CDK16: variants seen among roughly 807,000 people sequenced by gnomAD.
CDK16 encodes cyclin-dependent kinase 16.
Under a neutral mutation model 41.6 loss-of-function variants are expected in CDK16, and 2 were observed. The ratio of observed to expected loss-of-function variants is 0.05; its 90% CI spans 0.02 to 0.15. The LOEUF is 0.15. Ranked by LOEUF, CDK16 falls within the 10% of genes least tolerant of loss-of-function variation. The probability of loss-of-function intolerance (pLI) is 1.00; values close to 1 mark genes in which losing one functional copy is unlikely to be tolerated. For synonymous variants in CDK16, 169 were observed against 169.7 expected (o/e 1.00, Z 0.03); for missense variants, 228 against 428.9 (o/e 0.53, Z 4.14).
rs1485316280 is a variant in CDK16, at chrX:47,227,573, G to A, written c.1375+104G>A. ...AGGATTCTGGCTGTGCCACCTCTAC[G>A]TGGGGGGACATCTTGTTCACGTGTG... On this transcript the variant is annotated intron_variant, in intron 14 of 15. Coordinates refer to ENST00000357227, the MANE Select transcript of CDK16 (RefSeq NM_006201.5). The A allele has an allele frequency of 9.8e-5, 52 of 531,741 alleles. No individual in the cohort carries two copies. The East Asian group carries it at 1.4e-3, about 14-fold the overall frequency. The allele number at this position is 531,741 out of a possible 1,213,427, so 43.8% of individuals were successfully genotyped here.
At chrX:47,227,249 G>C (rs763995964) in intron 13 of CDK16, 26 bp downstream of exon 13, 2 of 1,184,824 alleles carry the variant, frequency 1.7e-6, no homozygotes, top group Non-Finnish European at 2.3e-6. Context: ...GTCAGCCTTG[G>C]GGGTATGGGA....
Position 47,228,807 on chromosome X carries a change from A to G in CDK16, c.*39A>G. 5 of 1,161,526 alleles carry G rather than the reference A, an allele frequency of 4.3e-6. No homozygotes were observed. Among genetic ancestry groups the G allele is most frequent in the Non-Finnish European group, 5.9e-6 (5 of 853,227 alleles). On this transcript the variant is annotated 3_prime_UTR_variant, in exon 16 of 16. Coordinates refer to ENST00000357227, the MANE Select transcript of CDK16 (RefSeq NM_006201.5). ...GCCCCAGCAGGCAGCGGCTGGAGGG[A>G]TGCCACACCCCTCACAGGGCAGCCC...
At chrX:47,222,507 G>C (rs1410232725) in intron 1 of CDK16, 2 of 110,371 alleles carry the variant, frequency 1.8e-5, no homozygotes, top group Admixed American at 9.6e-5. Flanking sequence ...GGTGACCTTT[G>C]AGCAATGGCC....
chrX:47,222,881 A>AT, intron 1 of CDK16: 2 of 365,544 alleles, frequency 5.5e-6, no homozygotes, highest in Admixed American at 4.6e-5. Context: ...GCTGGTGTAC[A>AT]CTGAGACCCC....
At chrX:47,228,101 C>T (rs750179556) in intron 14 of CDK16, 3 of 117,617 alleles carry the variant, frequency 2.6e-5, no homozygotes, top group African/African-American at 9.7e-5. Flanking sequence ...CATGGTCAAT[C>T]TGGTTTTATC....
In CDK16 at chrX:47,224,362, C is replaced by A. The variant is rs767731437; in HGVS notation, c.203-23C>A. 8 of 1,170,673 alleles carry A rather than the reference C, an allele frequency of 6.8e-6. No homozygotes were observed. In the African/African-American group the frequency reaches 1.4e-4, roughly 21 times the overall value. ...TGGTTCCTGACCCCACCTGGCCTGC[C>A]CTACCCCTCTCCCTGCCACCAGAGA... On this transcript the variant is annotated intron_variant, in intron 2 of 15. Transcript: ENST00000357227.
rs767351341 is a variant in CDK16 at position 47,226,890 on chromosome X, C to T, written c.1116C>T (p.His372=). The change falls in exon 11 of 16, where the codon CAC becomes CAT. Residue 372 remains histidine, a synonymous_variant. Coordinates refer to ENST00000357227, the MANE Select transcript of CDK16 (RefSeq NM_006201.5). ...FPGSTVEEQL[H]FIFRILGTPT... ...GCTCCACGGTGGAGGAACAGCTACA[C>T]TTCATCTTCCGTATCTTAGGTGAGG... The T allele has an allele frequency of 1.7e-6, 2 of 1,209,949 alleles. No individual in the cohort carries two copies. Among genetic ancestry groups the T allele is most frequent in the East Asian group, 3.0e-5 (1 of 33,840 alleles).
chrX:47,225,002 C>G lies in CDK16; in HGVS notation c.534C>G (p.Thr178=). 8.3e-7 allele frequency: 1 copy of G among 1,206,938 alleles called. No individual in the cohort carries two copies. ...TCACATTCCAGGGTACCTATGCCAC[C>G]GTCTACAAAGGCAAAAGCAAGCTCA... The part of the protein sequence containing the change: ...LDKLGEGTYA[T]VYKGKSKLTD... Residue 178 remains threonine, a synonymous_variant, in exon 6 of 16, where the codon ACC becomes ACG. Transcript: ENST00000357227.
chrX:47,221,764 A>G (rs778085044), intron 1 of CDK16, among the ~76,000 whole-genome samples: 1 of 112,184 alleles, frequency 8.9e-6, no homozygotes, highest in East Asian at 2.8e-4. Flanking sequence ...GATGGACCTC[A>G]TCCTGTATCT....
intron 14 of CDK16, 94 bp from the exon 15 acceptor site, chrX:47,228,473 C>A: frequency 1.5e-6 from 1 of 688,553 alleles, no homozygotes; most frequent in Non-Finnish European, 2.3e-6. Context: ...AGAGAAGGGG[C>A]AGCTTTTTCT....
intron 6 of CDK16, among the ~76,000 whole-genome samples, chrX:47,225,437 A>T (rs1180729705): frequency 5.4e-5 from 6 of 112,125 alleles, no homozygotes; most frequent in Non-Finnish European, 1.1e-4. Context: ...ATTTCACGCG[A>T]TGCTGCAGGC....
At chrX:47,219,409 C>A (rs1556796539) in intron 1 of CDK16, among the ~76,000 whole-genome samples, 1 of 108,349 alleles carries the variant, frequency 9.2e-6, no homozygotes, top group African/African-American at 3.4e-5. Flanking sequence ...TGATGGGGGT[C>A]GGAGCATGTG....
chrX:47,224,511 C>G lies in CDK16; in HGVS notation c.329C>G (p.Ser110Cys). ...CGCAACCATCCCCCACGCAAGATCT[C>G]CACTGAGGTGCTTGACCCCGTCTGG... ...RMRNHPPRKI[S>C]TEDINKRLSL... The change falls in exon 3 of 16, where the codon TCC becomes TGC. Residue 110 changes from serine to cysteine, a missense_variant. Transcript: ENST00000357227. 2 of 1,198,881 alleles carry G rather than the reference C, an allele frequency of 1.7e-6. No homozygotes were observed. The highest frequency in any genetic ancestry group is 2.3e-6 in the Non-Finnish European group (2 of 888,596).
rs1246755974 is a variant in CDK16 at position 47,218,737 on chromosome X, G to T, written c.-375G>T. On this transcript the variant is annotated 5_prime_UTR_variant, in exon 1 of 16. Coordinates refer to ENST00000357227, the MANE Select transcript of CDK16 (RefSeq NM_006201.5). ...ATGCGCGGAGCGCGGCGCGCGCGGC[G>T]GTTGGGCCGTTGGCTGTTCGGCCCT... The T allele has an allele frequency of 2.6e-6, 3 of 1,161,076 alleles. No individual in the cohort carries two copies. Among genetic ancestry groups the T allele is most frequent in the East Asian group, 3.3e-5 (1 of 30,639 alleles).
chrX:47,224,499 C>A lies in CDK16; in HGVS notation c.317C>A (p.Pro106Gln). The stretch of plus-strand genomic sequence containing the variant: ...AGAGTGCGTATGCGCAACCATCCCC[C>A]ACGCAAGATCTCCACTGAGGTGCTT... ...PVRVRMRNHP[P>Q]RKISTEDINK... The change falls in exon 3 of 16, where the codon CCA becomes CAA. Residue 106 changes from proline to glutamine, a missense_variant. Around this residue, in one of 3 missense-constraint regions of CDK16, gnomAD observed 71 missense variants for 102.2 expected, o/e 0.69. Coordinates refer to ENST00000357227, the MANE Select transcript of CDK16 (RefSeq NM_006201.5). 8.3e-7 allele frequency: 1 copy of A among 1,202,740 alleles called. No homozygotes were observed. Among genetic ancestry groups the A allele is most frequent in the Non-Finnish European group, 1.1e-6 (1 of 890,522 alleles).
In CDK16 at chrX:47,218,816, G is replaced by A. The variant is rs1227068804; in HGVS notation, c.-296G>A. The A allele has an allele frequency of 8.7e-7, 1 of 1,146,084 alleles. No individual in the cohort carries two copies. Among genetic ancestry groups the A allele is most frequent in the Admixed American group, 2.6e-5 (1 of 38,331 alleles). The allele number at this position is 1,146,084 out of a possible 1,213,427, so 94.5% of individuals were successfully genotyped here. A position where few individuals can be genotyped will look rare whatever the true frequency, so the allele number is the denominator to read the frequency against. ...CGCTCTGTGCCGCGAGCCGCCGTGAGCACTCGGATTCAAGCCGGCGCCAAC... is the reference window on the plus strand; with the variant it reads ...CGCTCTGTGCCGCGAGCCGCCGTGAACACTCGGATTCAAGCCGGCGCCAAC... On this transcript the variant is annotated 5_prime_UTR_variant, in exon 1 of 16. Transcript: ENST00000357227.
At chrX:47,223,047 C>T (rs1397900361) in intron 1 of CDK16, 1 of 1,138,163 alleles carries the variant, frequency 8.8e-7, no homozygotes, top group Non-Finnish European at 1.2e-6. Flanking sequence ...GTCCCTGTGG[C>T]CACAGGGAAT....
chrX:47,228,846 C>G lies in CDK16; in HGVS notation c.*78C>G. On this transcript the variant is annotated 3_prime_UTR_variant, in exon 16 of 16. Coordinates refer to ENST00000357227, the MANE Select transcript of CDK16 (RefSeq NM_006201.5). ...ACAGGGCAGCCCCCAACTACATCTTCCCTGCTTACTCTCTGCCTACCTGCC... is the reference window on the plus strand; with the variant it reads ...ACAGGGCAGCCCCCAACTACATCTTGCCTGCTTACTCTCTGCCTACCTGCC... 3.0e-6 allele frequency: 3 copies of G among 995,513 alleles called. No homozygotes were observed. The African/African-American group carries it at 5.6e-5, about 19-fold the overall frequency. 82.0% of individuals were successfully genotyped at this position (995,513 alleles called of 1,213,427 possible).
rs372258262 is a variant in CDK16 at position 47,225,812 on chromosome X, G to A, written c.675G>A (p.Thr225=). ...ACCTCAAACACGCCAACATCGTTAC[G>A]CTACATGACATTATCCACACGGAGA... ...LKDLKHANIV[T]LHDIIHTEKS... is the part of the protein sequence containing the mutation. The change falls in exon 7 of 16, where the codon ACG becomes ACA. Residue 225 remains threonine (T), a synonymous_variant. Transcript: ENST00000357227. 2 of 1,210,903 alleles carry A rather than the reference G, an allele frequency of 1.7e-6. No homozygotes were observed. Among genetic ancestry groups the A allele is most frequent in the Non-Finnish European group, 2.2e-6 (2 of 894,830 alleles).
Sources: allele counts gnomAD v4.1 joint callset (sites outside exome capture counted in the v4.1 genomes callset), GRCh38; gene constraint gnomAD v4.1.1; regional missense constraint gnomAD v4.1.1; transcripts MANE v1.5; gene names NCBI Gene and HGNC (gene_info 2026-07-23, HGNC 2026-07-21).